Variants in PTCH1 observed in about 807,000 individuals in gnomAD.
PTCH1 encodes the protein protein patched homolog 1.
PTCH1 carries 14 observed loss-of-function variants against 144.6 expected under a neutral mutation model. That is an observed-to-expected ratio of 0.10 (90% confidence interval 0.06 to 0.15). PTCH1 has a LOEUF of 0.15. PTCH1 is among the 10% of genes least tolerant of loss of function. The pLI, the probability that PTCH1 is intolerant of heterozygous loss-of-function variation, is 1.00. For missense variants in PTCH1, 1,623 were observed against 1,948.3 expected (o/e 0.83, Z 3.14); for synonymous variants, 833 against 793.6 (o/e 1.05, Z -0.83).
At chr9:95,456,474 G>C in intron 18 of PTCH1, 61 bp from the exon 19 acceptor site, 2 of 1,595,216 alleles carry the variant, frequency 1.3e-6, no homozygotes, top group Non-Finnish European at 1.7e-6. Context: ...CTGCCCACAA[G>C]GGAGGTCGCC....
intron 15 of PTCH1, among the ~76,000 whole-genome samples, chr9:95,463,580 C>T (rs938999638): frequency 6.6e-6 from 1 of 152,206 alleles, no homozygotes; most frequent in Non-Finnish European, 1.5e-5. Context: ...GTTTTCCTCG[C>T]TGTAACAATT....
At position 95,505,039 on chromosome 9, in the gene PTCH1, T is replaced by G. The variant is rs562808117; in HGVS notation, c.394+1368A>C. 1.5e-4 allele frequency among the ~76,000 whole-genome samples: 23 copies of G among 152,358 alleles called. 1 individual carries two copies. Among genetic ancestry groups the G allele is most frequent in the South Asian group, 1.2e-3 (6 of 4,822 alleles). On this transcript the variant is annotated intron_variant, in intron 2 of 23. Coordinates refer to ENST00000331920, the MANE Select transcript of PTCH1 (RefSeq NM_000264.5). ...GGATTCAATCCAAAGAACGCTTTTG[T>G]ATTAATTACCAAACTACTTAAGGCA...
intron 2 of PTCH1, among the ~76,000 whole-genome samples, chr9:95,502,989 G>C (rs950983559): frequency 2.6e-5 from 4 of 152,118 alleles, no homozygotes; most frequent in African/African-American, 9.7e-5. Flanking sequence ...ACACACACAC[G>C]CTCCTGTGAT....
intron 2 of PTCH1, 38 bp downstream of exon 2, chr9:95,506,369 C>T (rs765196569): frequency 1.2e-6 from 2 of 1,600,182 alleles, no homozygotes; most frequent in East Asian, 2.2e-5. Context: ...GAGGAGGGAC[C>T]GGGCCGGGGG....
intron 2 of PTCH1, 42 bp downstream of exon 2, chr9:95,506,365 G>A (rs2118871426): frequency 6.3e-7 from 1 of 1,595,228 alleles, no homozygotes; most frequent in East Asian, 2.3e-5. Context: ...CCGCGAGGAG[G>A]GACCGGGCCG....
chr9:95,448,036 G>A (rs566167544), intron 22 of PTCH1, among the ~76,000 whole-genome samples: 6 of 152,326 alleles, frequency 3.9e-5, no homozygotes, highest in African/African-American at 7.2e-5. Context: ...TCGTCACTGC[G>A]GAGGGCTGTG....
Position 95,449,788 on chromosome 9 carries a change from A to C in PTCH1, c.3549+53T>G. ...GTATCGAAGTGAAGAGCGGCACAGG[A>C]AACACAGCATTCAGCCGGCCTACAC... On this transcript the variant is annotated intron_variant, in intron 21 of 23. Transcript: ENST00000331920. This position sits in a 1 kb window ranked among gnomAD's most constrained non-coding sequence, Gnocchi z 5.3. The C allele has an allele frequency of 6.6e-7, 1 of 1,506,234 alleles. No homozygotes were observed. The highest frequency in any genetic ancestry group is 9.2e-7 in the Non-Finnish European group (1 of 1,084,196). The allele number at this position is 1,506,234 out of a possible 1,614,324, so 93.3% of individuals were successfully genotyped here.
At chr9:95,488,167 T>A (rs556936191) in intron 2 of PTCH1, among the ~76,000 whole-genome samples, 3 of 152,238 alleles carry the variant, frequency 2.0e-5, no homozygotes, top group Non-Finnish European at 4.4e-5. Flanking sequence ...CTACAAGATA[T>A]AAAATGTACC....
upstream of PTCH1, chr9:95,514,155 A>G (rs889064112): frequency 1.3e-5 from 2 of 152,212 alleles, no homozygotes; most frequent in African/African-American, 4.8e-5. Flanking sequence ...CCAACTGCTG[A>G]ATGTTCAGAG....
At chr9:95,481,744 G>A (rs958185351) in intron 5 of PTCH1, 9 of 596,608 alleles carry the variant, frequency 1.5e-5, no homozygotes, top group South Asian at 1.4e-4. Context: ...ATTTAATGAC[G>A]CCTACAGAAT....
intron 15 of PTCH1, among the ~76,000 whole-genome samples, chr9:95,463,747 A>G (rs1282360409): frequency 6.6e-6 from 1 of 152,092 alleles, no homozygotes. Flanking sequence ...GGCTTCACAG[A>G]TGGAGGAACT....
At chr9:95,510,248 TTATA>T (rs1342439009), upstream of PTCH1, among the ~76,000 whole-genome samples, 2 of 152,212 alleles carry the variant, frequency 1.3e-5, no homozygotes, top group African/African-American at 2.4e-5. Context: ...AACCAGATGT[TTATA>T]TAGTCAGTAT....
intron 20 of PTCH1, chr9:95,450,215 G>A: frequency 2.1e-6 from 1 of 479,414 alleles, no homozygotes; most frequent in South Asian, 2.1e-5. Flanking sequence ...GCTGAACTCT[G>A]ATGGCATGTA....
intron 1 of PTCH1, among the ~76,000 whole-genome samples, chr9:95,514,952 A>G (rs1274443886): frequency 6.6e-6 from 1 of 152,208 alleles, no homozygotes; most frequent in Non-Finnish European, 1.5e-5. Flanking sequence ...GAAACAGATC[A>G]TGGACTCAAA....
chr9:95,485,561 G>A (rs1438279848), intron 3 of PTCH1, 124 bp downstream of exon 3: 9 of 1,156,648 alleles, frequency 7.8e-6, no homozygotes, highest in African/African-American at 3.1e-5. Flanking sequence ...AAAGCTATTT[G>A]AACTAATACT....
intron 16 of PTCH1, among the ~76,000 whole-genome samples, chr9:95,461,108 A>G (rs1839417487): frequency 6.6e-6 from 1 of 152,182 alleles, no homozygotes; most frequent in Non-Finnish European, 1.5e-5. Context: ...AAGCTGAGGT[A>G]GCCCGGGCCC....
chr9:95,500,962 G>T (rs1396555893), intron 2 of PTCH1, among the ~76,000 whole-genome samples: 1 of 152,092 alleles, frequency 6.6e-6, no homozygotes, highest in East Asian at 1.9e-4. Context: ...ACCCATCACG[G>T]TGTTTTTCTT....
upstream of PTCH1, among the ~76,000 whole-genome samples, chr9:95,510,371 C>G (rs889258318): frequency 3.9e-5 from 6 of 152,310 alleles, no homozygotes; most frequent in Admixed American, 6.5e-5. Context: ...GCGCGGATCG[C>G]GAGGATTCGT....
chr9:95,479,735 G>A, intron 7 of PTCH1: 2 of 641,008 alleles, frequency 3.1e-6, no homozygotes, highest in Non-Finnish European at 5.3e-6. Context: ...CTATAGTCAG[G>A]AACTATGGTC....
Sources: gnomAD v4.1 joint callset for allele counts (sites outside exome capture counted in the v4.1 genomes callset) on GRCh38, gnomAD v4.1.1 for gene constraint, Gnocchi (gnomAD v3.1) non-coding constraint, MANE v1.5 for transcripts, NCBI Gene and HGNC (gene_info 2026-07-23, HGNC 2026-07-21) for gene names.